The following DHX15 variants were observed in gnomAD, a reference collection of about 807,000 sequenced individuals.
The protein encoded by DHX15 is DEAH-box helicase 15, also known as ATP-dependent RNA helicase DHX15.
Under a neutral mutation model 94.4 loss-of-function variants are expected in DHX15, and 11 were observed. The observed-to-expected ratio is 0.12, with a 90% CI of 0.07 to 0.19. The LOEUF (loss-of-function observed/expected upper bound fraction) is 0.19. Ranked by LOEUF, DHX15 falls within the 10% of genes least tolerant of loss-of-function variation. The probability of loss-of-function intolerance (pLI) is 1.00; values close to 1 mark genes in which losing one functional copy is unlikely to be tolerated. For missense variants in DHX15, 304 were observed against 988.5 expected (o/e 0.31, Z 9.29); for synonymous variants, 338 against 329.9 (o/e 1.02, Z -0.27).
chr4:24,555,644 G>A (rs2109407642), intron 4 of DHX15, among the ~76,000 whole-genome samples: 1 of 152,180 alleles, frequency 6.6e-6, no homozygotes, highest in Middle Eastern at 3.4e-3. Context: ...AACAAGGGAT[G>A]AGTCTACATT....
intron 3 of DHX15, among the ~76,000 whole-genome samples, chr4:24,556,777 T>C (rs1721745735): frequency 6.6e-6 from 1 of 152,082 alleles, no homozygotes; most frequent in South Asian, 2.1e-4. Context: ...ACACGCAAAA[T>C]CTAATAAACC....
intron 5 of DHX15, 125 bp downstream of exon 5, chr4:24,554,600 T>C (rs1283784537): frequency 8.5e-6 from 6 of 706,048 alleles, no homozygotes; most frequent in Middle Eastern, 3.5e-4. Context: ...ATTTTACATA[T>C]TAATACAATC....
chr4:24,569,062 C>A (rs553021774), intron 3 of DHX15, among the ~76,000 whole-genome samples: 1 of 152,074 alleles, frequency 6.6e-6, no homozygotes, highest in African/African-American at 2.4e-5. Context: ...AAAACTGACA[C>A]AAATGTTGAA....
intron 1 of DHX15, among the ~76,000 whole-genome samples, chr4:24,579,315 A>T (rs1258568333): frequency 1.3e-5 from 2 of 152,204 alleles, no homozygotes; most frequent in South Asian, 4.1e-4. Context: ...CTTCGATGAG[A>T]GAGGGAGTAC....
chr4:24,584,461 C>G lies in DHX15; in HGVS notation c.-68G>C, dbSNP rs1211596522. 1 of 1,492,294 alleles carries G rather than the reference C, an allele frequency of 6.7e-7. No homozygotes were observed. Among genetic ancestry groups the G allele is most frequent in the African/African-American group, 1.4e-5 (1 of 70,846 alleles). 92.4% of individuals were successfully genotyped at this position (1,492,294 alleles called of 1,614,324 possible). ...GCTGCTGTATGGGCACAGTCGAGGA[C>G]AGCCACTTAACTCTGGAGGACCCCC... is the stretch of plus-strand genomic sequence containing the variant. On this transcript the variant is annotated 5_prime_UTR_variant, in exon 1 of 14. Coordinates refer to ENST00000336812, the MANE Select transcript of DHX15 (RefSeq NM_001358.3).
chr4:24,561,817 C>G (rs1376515447), intron 3 of DHX15, among the ~76,000 whole-genome samples: 1 of 152,050 alleles, frequency 6.6e-6, no homozygotes, highest in East Asian at 1.9e-4. Context: ...AGAAAAACTA[C>G]CTGTCAGGTA....
Position 24,556,327 on chromosome 4 carries a change from G to C in DHX15, c.785C>G (p.Ala262Gly). ...ERYGVIILDE[A>G]HERTLATDIL... is the part of the protein sequence containing the mutation. ...ATCTGTAGCCAGTGTCCTCTCATGAGCCTCATCAAGAATTATTACACCATA... is the reference window on the plus strand; with the variant it reads ...ATCTGTAGCCAGTGTCCTCTCATGACCCTCATCAAGAATTATTACACCATA... The change falls in exon 4 of 14, where the codon GCT becomes GGT. Residue 262 changes from alanine (A) to glycine (G), a missense_variant. Coordinates refer to ENST00000336812, the MANE Select transcript of DHX15 (RefSeq NM_001358.3). 6.2e-7 allele frequency: 1 copy of C among 1,613,622 alleles called. No homozygotes were observed. The highest frequency in any genetic ancestry group is 1.3e-5 in the African/African-American group (1 of 75,018).
chr4:24,527,830 T>G lies in DHX15; in HGVS notation c.*94A>C. The stretch of plus-strand genomic sequence containing the variant: ...TTAAAAAGCTTTCAAATAAAGGCCA[T>G]TATCGAACCAACGTGAAGAGCACAA... On this transcript the variant is annotated 3_prime_UTR_variant, in exon 14 of 14. Coordinates refer to ENST00000336812, the MANE Select transcript of DHX15 (RefSeq NM_001358.3). 1.3e-6 allele frequency: 1 copy of G among 778,836 alleles called. No individual in the cohort carries two copies. The highest frequency in any genetic ancestry group is 2.5e-5 in the East Asian group (1 of 40,392). 48.2% of individuals were successfully genotyped at this position (778,836 alleles called of 1,614,324 possible).
At chr4:24,573,158 G>A (rs929910021) in intron 2 of DHX15, among the ~76,000 whole-genome samples, 10 of 152,132 alleles carry the variant, frequency 6.6e-5, no homozygotes, top group South Asian at 2.1e-4. Context: ...TAATCTGCCC[G>A]CCTCAGCATC....
chr4:24,539,812 T>C (rs530811040), intron 10 of DHX15: 1 of 210,542 alleles, frequency 4.7e-6, no homozygotes, highest in Admixed American at 5.8e-5. Context: ...AAGATAGCAG[T>C]GATGGACCTT....
At chr4:24,575,331 C>A (rs1722233824) in intron 2 of DHX15, among the ~76,000 whole-genome samples, 1 of 152,022 alleles carries the variant, frequency 6.6e-6, no homozygotes, top group Non-Finnish European at 1.5e-5. Context: ...ACAGGTAATT[C>A]ACTTCAATAC....
At chr4:24,555,110 A>C (rs1461695325) in intron 4 of DHX15, among the ~76,000 whole-genome samples, 167 bp from the exon 5 acceptor site, 3 of 152,064 alleles carry the variant, frequency 2.0e-5, no homozygotes, top group Middle Eastern at 3.2e-3. Flanking sequence ...GAACTATAGT[A>C]AAAGTTATTT....
At chr4:24,568,887 GAAC>G (rs772351038) in intron 3 of DHX15, among the ~76,000 whole-genome samples, 6 of 152,154 alleles carry the variant, frequency 3.9e-5, no homozygotes, top group Non-Finnish European at 7.3e-5. Flanking sequence ...ACGTATCACT[GAAC>G]AACTACAAGA....
At chr4:24,545,225 A>T (rs1721399010) in intron 6 of DHX15, among the ~76,000 whole-genome samples, 1 of 152,246 alleles carries the variant, frequency 6.6e-6, no homozygotes, top group Non-Finnish European at 1.5e-5. Flanking sequence ...AATCACTTTT[A>T]AAAAAGTTGT....
At chr4:24,557,176 GT>G (rs1160150499) in intron 3 of DHX15, among the ~76,000 whole-genome samples, 1 of 152,086 alleles carries the variant, frequency 6.6e-6, no homozygotes, top group Admixed American at 6.6e-5. Flanking sequence ...GAGATCAAGG[GT>G]CAAGATTGTA....
chr4:24,552,643 T>C (rs1270330114), intron 5 of DHX15, among the ~76,000 whole-genome samples: 1 of 152,228 alleles, frequency 6.6e-6, no homozygotes, highest in Non-Finnish European at 1.5e-5. Context: ...GAGAAGGTAA[T>C]ATTTACTTTA....
At chr4:24,544,364 T>C (rs576256750) in intron 6 of DHX15, among the ~76,000 whole-genome samples, 1 of 152,260 alleles carries the variant, frequency 6.6e-6, no homozygotes, top group Admixed American at 6.5e-5. Flanking sequence ...TTTAAAAACA[T>C]AATAGCAATC....
chr4:24,570,322 T>A (rs1722095234), intron 3 of DHX15, among the ~76,000 whole-genome samples: 1 of 152,184 alleles, frequency 6.6e-6, no homozygotes, highest in Non-Finnish European at 1.5e-5. Context: ...TATCTTTTAC[T>A]AAGTAAGACA....
intron 13 of DHX15, 40 bp from the exon 14 acceptor site, chr4:24,528,081 T>A: frequency 7.2e-7 from 1 of 1,391,068 alleles, no homozygotes; most frequent in Non-Finnish European, 1.0e-6. Flanking sequence ...AATTAACATT[T>A]AATTGAAGTA....
Sources: allele counts gnomAD v4.1 joint callset (sites outside exome capture counted in the v4.1 genomes callset), GRCh38; gene constraint gnomAD v4.1.1; transcripts MANE v1.5; gene names NCBI Gene and HGNC (gene_info 2026-07-23, HGNC 2026-07-21).